The following NCAM2 variants were observed in gnomAD, a reference collection of about 807,000 sequenced individuals.
The protein encoded by NCAM2 is N-CAM-2.
Under a neutral mutation model 98.1 loss-of-function variants are expected in NCAM2, and 30 were observed. The ratio of observed to expected loss-of-function variants is 0.31; its 90% confidence interval spans 0.23 to 0.41. The LOEUF is 0.41. Ranked by LOEUF, NCAM2 falls within the 10% of genes least tolerant of loss-of-function variation. The probability of loss-of-function intolerance (pLI) is 1.00; values close to 1 mark genes in which losing one functional copy is unlikely to be tolerated. For synonymous variants in NCAM2, 368 were observed against 342.4 expected (o/e 1.07, Z -0.83); for missense variants, 867 against 1,005.8 (o/e 0.86, Z 1.87).
intron 5 of NCAM2, among the ~76,000 whole-genome samples, chr21:21,307,471 T>C (rs2147690548): frequency 6.6e-6 from 1 of 152,304 alleles, no homozygotes; most frequent in East Asian, 1.9e-4. Flanking sequence ...ACAGCAGAAA[T>C]TAATAATTAG....
intron 1 of NCAM2, among the ~76,000 whole-genome samples, chr21:21,168,872 TTATC>T (rs1463292253): frequency 6.6e-6 from 1 of 152,118 alleles, no homozygotes; most frequent in African/African-American, 2.4e-5. Flanking sequence ...TTTTCCGACT[TTATC>T]TATAGATTCA....
chr21:21,373,825 G>C (rs778272369), intron 8 of NCAM2, 38 bp from the exon 9 acceptor site: 3 of 1,533,772 alleles, frequency 2.0e-6, no homozygotes, highest in African/African-American at 2.8e-5. Flanking sequence ...GCACACACAA[G>C]CATAAAATCT....
At chr21:21,226,511 T>C (rs1160809949) in intron 1 of NCAM2, 2 of 152,078 alleles carry the variant, frequency 1.3e-5, no homozygotes, top group African/African-American at 4.8e-5. Flanking sequence ...ATTTGAATTT[T>C]AACACAGGCA....
At chr21:21,073,999 T>C (rs187616518) in intron 1 of NCAM2, among the ~76,000 whole-genome samples, 28 of 152,292 alleles carry the variant, frequency 1.8e-4, no homozygotes, top group Non-Finnish European at 1.6e-4. Context: ...TTTCCTCCCT[T>C]AGCTCTTTCT....
At chr21:21,168,042 C>T (rs368937125) in intron 1 of NCAM2, among the ~76,000 whole-genome samples, 12 of 151,784 alleles carry the variant, frequency 7.9e-5, no homozygotes, top group Non-Finnish European at 1.2e-4. Context: ...TAAACATAGA[C>T]GCAAAAATCC....
At chr21:21,167,694 A>G (rs1263211783) in intron 1 of NCAM2, among the ~76,000 whole-genome samples, 1 of 152,198 alleles carries the variant, frequency 6.6e-6, no homozygotes, top group Non-Finnish European at 1.5e-5. Flanking sequence ...TGTAAAAATT[A>G]TCTGCTTACG....
At chr21:21,181,212 A>G (rs1204838542) in intron 1 of NCAM2, among the ~76,000 whole-genome samples, 1 of 152,130 alleles carries the variant, frequency 6.6e-6, no homozygotes, top group Non-Finnish European at 1.5e-5. Context: ...TGGCAGTAGG[A>G]AGAAAAGGAC....
At position 21,358,896 on chromosome 21, in the gene NCAM2, A is replaced by G. The variant is rs558653529; in HGVS notation, c.1045-14967A>G. The stretch of plus-strand genomic sequence containing the variant: ...TTGATATTTACTAACTTTTTAGTTG[A>G]TGATTTTCTAATAACATTGTATAGT... On this transcript the variant is annotated intron_variant, in intron 8 of 17. Coordinates refer to ENST00000400546, the MANE Select transcript of NCAM2 (RefSeq NM_004540.5). Among the ~76,000 whole-genome samples, 91 of 152,100 alleles carry G rather than the reference A, an allele frequency of 6.0e-4. 1 individual carries two copies. Among genetic ancestry groups the G allele is most frequent in the African/African-American group, 2.1e-3 (89 of 41,548 alleles).
In NCAM2 at chr21:21,508,808, C is replaced by CTT. The variant is rs764097299; in HGVS notation, c.2078-12_2078-11dup. 1,604 of 412,616 alleles carry CTT rather than the reference C, an allele frequency of 3.9e-3. 47 individuals carry two copies. The highest frequency in any genetic ancestry group is 4.5e-3 in the Non-Finnish European group (1,236 of 275,232). 25.6% of individuals were successfully genotyped at this position (412,616 alleles called of 1,614,324 possible). A position where few individuals can be genotyped will look rare whatever the true frequency, so the allele number is the denominator to read the frequency against. Reference sequence around the variant, plus strand: ...ATTTAGAGGTTTAATACTTTTTTTCCTTTTTTTTTTTTTTTTTTTTTTTTT... The same window carrying CTT: ...ATTTAGAGGTTTAATACTTTTTTTCCTTTTTTTTTTTTTTTTTTTTTTTTTTT... On this transcript the variant is annotated intron_variant, in intron 15 of 17. Coordinates refer to ENST00000400546, the MANE Select transcript of NCAM2 (RefSeq NM_004540.5).
At chr21:21,339,101 C>T (rs1246364934) in intron 8 of NCAM2, among the ~76,000 whole-genome samples, 2 of 152,132 alleles carry the variant, frequency 1.3e-5, no homozygotes, top group Non-Finnish European at 2.9e-5. Context: ...CAGGTGTCAA[C>T]AAACTACAGT....
rs190842386 is a variant in NCAM2, at chr21:21,195,519, T to G, written c.56-85059T>G. Among the ~76,000 whole-genome samples the G allele has an allele frequency of 4.5e-3, 692 of 152,348 alleles. 19 individuals are homozygous for G. Among genetic ancestry groups the G allele is most frequent in the Admixed American group, 0.04 (613 of 15,304 alleles). ...TTGCTTCTATTATGACATGAGATTC[T>G]GTCTGTAGGAAATCATCCCAAGGGC... On this transcript the variant is annotated intron_variant, in intron 1 of 17. Coordinates refer to ENST00000400546, the MANE Select transcript of NCAM2 (RefSeq NM_004540.5).
chr21:21,299,155 AAATT>A (rs1247304133), intron 5 of NCAM2, among the ~76,000 whole-genome samples: 1 of 151,738 alleles, frequency 6.6e-6, no homozygotes, highest in African/African-American at 2.4e-5. Flanking sequence ...GCATTCAGGA[AAATT>A]AATGTCTAAA....
chr21:21,523,245 T>C (rs1036564836), intron 16 of NCAM2, among the ~76,000 whole-genome samples: 4 of 152,140 alleles, frequency 2.6e-5, no homozygotes, highest in Non-Finnish European at 5.9e-5. Context: ...CTTGAGGTCT[T>C]ACTCAAGAAA....
intron 1 of NCAM2, among the ~76,000 whole-genome samples, chr21:21,125,660 A>C (rs1055190091): frequency 8.3e-5 from 11 of 133,302 alleles, no homozygotes; most frequent in African/African-American, 3.0e-4. Flanking sequence ...ATGTAGAGAT[A>C]TATATATCTA....
intron 4 of NCAM2, among the ~76,000 whole-genome samples, chr21:21,287,549 C>T (rs1335962675): frequency 2.6e-5 from 4 of 151,866 alleles, no homozygotes; most frequent in Non-Finnish European, 5.9e-5. Context: ...AAAGAAAAAG[C>T]AGTCCTTTTG....
Position 21,453,008 on chromosome 21 carries a change from T to A in NCAM2, c.1655-13598T>A, listed in dbSNP as rs1366566947. Among the ~76,000 whole-genome samples the A allele has an allele frequency of 6.2e-3, 639 of 102,544 alleles. 7 individuals carry two copies. Among genetic ancestry groups the A allele is most frequent in the African/African-American group, 0.024 (617 of 25,386 alleles). 67.3% of individuals were successfully genotyped at this position (102,544 alleles called of 152,430 possible). A position where few individuals can be genotyped will look rare whatever the true frequency, so the allele number is the denominator to read the frequency against. On this transcript the variant is annotated intron_variant, in intron 12 of 17. Coordinates refer to ENST00000400546, the MANE Select transcript of NCAM2 (RefSeq NM_004540.5). ...ATATATTATATTATATAATATATAA[T>A]ATATAAAAATATATAATATATAAAA...
At chr21:21,337,773 A>G (rs1033206736) in intron 7 of NCAM2, among the ~76,000 whole-genome samples, 1 of 151,938 alleles carries the variant, frequency 6.6e-6, no homozygotes. Context: ...TGTCTAGTAT[A>G]TTGTTAAGTA....
intron 1 of NCAM2, chr21:21,147,090 T>C (rs1719799067): frequency 1.0e-6 from 1 of 962,604 alleles, no homozygotes; most frequent in Non-Finnish European, 1.2e-6. Context: ...CTTTGCCTTC[T>C]ACTCCGGAAC....
intron 9 of NCAM2, among the ~76,000 whole-genome samples, chr21:21,378,257 A>AC (rs1187287703): frequency 1.3e-5 from 2 of 151,856 alleles, no homozygotes; most frequent in Admixed American, 1.3e-4. Context: ...TTTGGGAGGA[A>AC]CTTTTATACC....
Sources: allele counts gnomAD v4.1 joint callset (sites outside exome capture counted in the v4.1 genomes callset), GRCh38; gene constraint gnomAD v4.1.1; transcripts MANE v1.5; gene names NCBI Gene and HGNC (gene_info 2026-07-23, HGNC 2026-07-21).